CDH13: variants seen among roughly 807,000 people sequenced by gnomAD.
CDH13 encodes cadherin-13.
CDH13 carries 24 observed loss-of-function variants against 63.8 expected under a neutral mutation model. The observed-to-expected ratio is 0.38, with a 90% confidence interval of 0.27 to 0.53. The LOEUF (loss-of-function observed/expected upper bound fraction) is 0.53, where lower values mean the gene tolerates loss of function less well. CDH13 is among the 20% of genes least tolerant of loss of function. CDH13 has a pLI of 0.85. For missense variants in CDH13, 1,049 were observed against 903.1 expected (o/e 1.16, Z -2.07); for synonymous variants, 503 against 355.3 (o/e 1.42, Z -4.67).
At position 82,872,898 on chromosome 16, in the gene CDH13, T is replaced by TA. The variant is rs889570525; in HGVS notation, c.157+14431dup. Among the ~76,000 whole-genome samples, 173 of 152,250 alleles carry TA rather than the reference T, an allele frequency of 1.1e-3. 1 individual carries two copies. Among genetic ancestry groups the TA allele is most frequent in the African/African-American group, 2.7e-3 (111 of 41,554 alleles). On this transcript the variant is annotated intron_variant, in intron 2 of 13. Coordinates refer to ENST00000567109, the MANE Select transcript of CDH13 (RefSeq NM_001257.5). The stretch of plus-strand genomic sequence containing the variant: ...ATAAGGGATAAAGCTTTGAATCAGA[T>TA]AAAAAATGTGCCTCCTGCTGTGGAG...
At chr16:82,715,338 T>C (rs2032285577) in intron 1 of CDH13, among the ~76,000 whole-genome samples, 1 of 122,682 alleles carries the variant, frequency 8.2e-6, no homozygotes, top group African/African-American at 3.4e-5. Flanking sequence ...GCAGTGCTTA[T>C]AGCCAAGTCA....
intron 6 of CDH13, among the ~76,000 whole-genome samples, chr16:83,431,623 C>T (rs1289959030): frequency 6.6e-6 from 1 of 152,178 alleles, no homozygotes; most frequent in East Asian, 1.9e-4. Flanking sequence ...AGGAAGCTTC[C>T]AATCATGCAC....
intron 2 of CDH13, among the ~76,000 whole-genome samples, chr16:82,940,617 A>T (rs1193420187): frequency 6.6e-6 from 1 of 152,148 alleles, no homozygotes; most frequent in African/African-American, 2.4e-5. Flanking sequence ...CCTGCTTCAT[A>T]CATCTTTCAA....
At chr16:83,384,292 C>T (rs1456586932) in intron 6 of CDH13, among the ~76,000 whole-genome samples, 2 of 152,190 alleles carry the variant, frequency 1.3e-5, no homozygotes, top group East Asian at 3.9e-4. Context: ...CCAGCCATCT[C>T]TGCTGACTGC....
At chr16:83,009,519 A>G (rs1389087303) in intron 2 of CDH13, among the ~76,000 whole-genome samples, 3 of 152,118 alleles carry the variant, frequency 2.0e-5, no homozygotes, top group Non-Finnish European at 4.4e-5. Context: ...CATTTTATAG[A>G]TCATCAAATT....
chr16:83,241,935 A>G lies in CDH13; in HGVS notation c.636+24438A>G, dbSNP rs369406924. Among the ~76,000 whole-genome samples the G allele has an allele frequency of 3.7e-4, 57 of 152,078 alleles. 1 individual carries two copies. The highest frequency in any genetic ancestry group is 3.7e-3 in the Admixed American group (56 of 15,244). On this transcript the variant is annotated intron_variant, in intron 5 of 13. Coordinates refer to ENST00000567109, the MANE Select transcript of CDH13 (RefSeq NM_001257.5). The stretch of plus-strand genomic sequence containing the variant: ...AAATCCAATGTCCTGAAGCTTTCCC[A>G]TTATGTTTTCCACTAGCAGTTGTAT...
chr16:83,552,904 C>A (rs1349513486), intron 7 of CDH13, among the ~76,000 whole-genome samples: 1 of 152,070 alleles, frequency 6.6e-6, no homozygotes, highest in Non-Finnish European at 1.5e-5. Context: ...TATGGTGAAA[C>A]CCTGTCTCTA....
chr16:83,592,203 A>G (rs1054500477), intron 7 of CDH13, among the ~76,000 whole-genome samples: 1 of 152,214 alleles, frequency 6.6e-6, no homozygotes, highest in Non-Finnish European at 1.5e-5. Context: ...GTAAGTGCTC[A>G]ATCAATGTCT....
rs562449300 is a variant in CDH13, at chr16:83,381,872, A to G, written c.781+36866A>G. Among the ~76,000 whole-genome samples the G allele has an allele frequency of 1.4e-4, 21 of 152,292 alleles. 1 individual carries two copies. The South Asian group carries it at 4.4e-3, about 32-fold the overall frequency. ...GTTGCTCCTTATACTTGAATTCACA[A>G]GTATAAAATCATATGGATGACTTGT... On this transcript the variant is annotated intron_variant, in intron 6 of 13. Transcript: ENST00000567109.
chr16:83,548,292 C>T (rs1011306118), intron 7 of CDH13, among the ~76,000 whole-genome samples: 2 of 152,088 alleles, frequency 1.3e-5, no homozygotes, highest in African/African-American at 4.8e-5. Flanking sequence ...CCAAGGAACA[C>T]CTGGAAATAT....
At chr16:82,959,379 C>G (rs1906612943) in intron 2 of CDH13, among the ~76,000 whole-genome samples, 2 of 152,154 alleles carry the variant, frequency 1.3e-5, no homozygotes, top group South Asian at 4.1e-4. Flanking sequence ...TTTTCTATTT[C>G]TTCTGTAAAA....
chr16:83,155,711 T>A (rs939171119), intron 4 of CDH13, among the ~76,000 whole-genome samples: 12 of 151,580 alleles, frequency 7.9e-5, no homozygotes, highest in African/African-American at 2.9e-4. Context: ...GGGATGGGGG[T>A]GAGATGAGGA....
chr16:83,513,404 A>G (rs1257755716), intron 7 of CDH13, among the ~76,000 whole-genome samples: 1 of 152,156 alleles, frequency 6.6e-6, no homozygotes, highest in African/African-American at 2.4e-5. Flanking sequence ...TTCTCCAAAA[A>G]GTGCAAACTT....
intron 5 of CDH13, among the ~76,000 whole-genome samples, chr16:83,284,554 A>C (rs1336321976): frequency 6.6e-6 from 1 of 152,174 alleles, no homozygotes; most frequent in Non-Finnish European, 1.5e-5. Flanking sequence ...TTTTTAGTGG[A>C]AGGAGGGAGG....
intron 5 of CDH13, among the ~76,000 whole-genome samples, chr16:83,325,888 G>T (rs1240179488): frequency 6.6e-6 from 1 of 152,110 alleles, no homozygotes; most frequent in Non-Finnish European, 1.5e-5. Flanking sequence ...ATTGAATATG[G>T]ACTCACTTAC....
Position 83,068,135 on chromosome 16 carries a change from G to A in CDH13, c.366+35917G>A, listed in dbSNP as rs377011037. On this transcript the variant is annotated intron_variant, in intron 3 of 13. Transcript: ENST00000567109. ...GATAGCTGAGAGCATTACCACAGTC[G>A]GATCTGCTGGGTTGAATTGTACACA... 5.2e-4 allele frequency among the ~76,000 whole-genome samples: 79 copies of A among 152,276 alleles called. No individual in the cohort carries two copies. In the East Asian group the frequency reaches 5.8e-3, roughly 11 times the overall value.
chr16:83,214,455 C>T (rs909638139), intron 4 of CDH13, among the ~76,000 whole-genome samples: 1 of 151,274 alleles, frequency 6.6e-6, no homozygotes, highest in African/African-American at 2.4e-5. Flanking sequence ...TGGCGTGTGC[C>T]TGTAGTTCCA....
chr16:83,390,427 A>ACACAGTATC (rs2091764166), intron 6 of CDH13, among the ~76,000 whole-genome samples: 2 of 151,398 alleles, frequency 1.3e-5, no homozygotes, highest in Admixed American at 1.3e-4. Flanking sequence ...ACCTTATTGG[A>ACACAGTATC]CACAGTATCC....
chr16:83,657,012 C>T (rs753524469), intron 8 of CDH13, among the ~76,000 whole-genome samples: 1 of 152,152 alleles, frequency 6.6e-6, no homozygotes, highest in Admixed American at 6.5e-5. Flanking sequence ...AAAACTTGCA[C>T]TTCAGGTACA....
Sources: allele counts gnomAD v4.1 joint callset (sites outside exome capture counted in the v4.1 genomes callset), GRCh38; gene constraint gnomAD v4.1.1; transcripts MANE v1.5; gene names NCBI Gene and HGNC (gene_info 2026-07-23, HGNC 2026-07-21).